Variants in GFAP observed in about 807,000 individuals in gnomAD.
GFAP encodes intermediate filament protein.
GFAP carries 38 observed loss-of-function variants against 49.3 expected under a neutral mutation model. The observed-to-expected ratio is 0.77, with a 90% CI of 0.60 to 1.01. The LOEUF is 1.01. GFAP is among the 50% of genes least tolerant of loss of function. The pLI is 0.00. For synonymous variants in GFAP, 222 were observed against 236.4 expected, an observed-to-expected ratio of 0.94 and a Z score of 0.56; for missense variants, 463 against 579.1, an observed-to-expected ratio of 0.80 and a Z score of 2.06.
chr17:44,911,898 T>C, intron 4 of GFAP, 101 bp from the exon 5 acceptor site: 5 of 1,394,874 alleles, frequency 3.6e-6, no homozygotes, highest in Admixed American at 1.8e-5. Context: ...CCCCAGGACG[T>C]TGGCCCTGGC....
intron 7 of GFAP, chr17:44,910,396 A>G: frequency 6.2e-7 from 1 of 1,604,292 alleles, no homozygotes; most frequent in South Asian, 1.1e-5. Flanking sequence ...GGAGGGGAAG[A>G]GGGACCAGGG....
At position 44,904,925 on chromosome 17, in the gene GFAP, C is replaced by G; in HGVS notation, c.*2422G>C. On this transcript the variant is annotated 3_prime_UTR_variant, in exon 9 of 9. Transcript: ENST00000588735. ...GGGTGTGACATCTCATGGGCACTAC[C>G]CAGCCTCGTTCTCAGATCCTGAGAC... The G allele has an allele frequency of 6.4e-7, 1 of 1,550,624 alleles. No homozygotes were observed. Among genetic ancestry groups the G allele is most frequent in the East Asian group, 2.4e-5 (1 of 40,924 alleles).
chr17:44,907,902 G>A (rs141985878), intron 8 of GFAP, 162 bp downstream of exon 8: 23 of 748,392 alleles, frequency 3.1e-5, no homozygotes, highest in Admixed American at 1.3e-4. Flanking sequence ...CTGAGGAAAC[G>A]GAATTACATT....
In GFAP at chr17:44,915,458, G is replaced by A; in HGVS notation, c.29C>T (p.Ala10Val). The change falls in exon 1 of 9, where the codon GCT (alanine) becomes GTT (valine). Residue 10 changes from alanine to valine, a missense_variant. By Grantham distance (64) the Ala-to-Val change is moderately conservative. Transcript: ENST00000588735. This position sits in a 1 kb window ranked among gnomAD's most constrained non-coding sequence, Gnocchi z 4.1. MERRRITSA[A>V]RRSYVSSGEM... ...CCCTGAGGAGACGTAGGAGCGGCGA[G>A]CAGCGGAGGTGATGCGTCTCCTCTC... 1.9e-6 allele frequency: 3 copies of A among 1,600,692 alleles called. No individual in the cohort carries two copies. The highest frequency in any genetic ancestry group is 8.5e-7 in the Non-Finnish European group (1 of 1,174,340).
rs533012935 is a variant in GFAP at position 44,903,955 on chromosome 17, C to T, written c.*3392G>A. Reference sequence around the variant, plus strand: ...CTTTCCTGATGTTTGAAAATGCAGCCTACCTGGCCGACATGAGCTTTGAGC... The same window carrying T: ...CTTTCCTGATGTTTGAAAATGCAGCTTACCTGGCCGACATGAGCTTTGAGC... On this transcript the variant is annotated 3_prime_UTR_variant, in exon 9 of 9. Transcript: ENST00000588735. 11 of 1,550,606 alleles carry T rather than the reference C, an allele frequency of 7.1e-6. No individual in the cohort carries two copies. The East Asian group carries it at 2.2e-4, about 31-fold the overall frequency.
chr17:44,904,255 C>T lies in GFAP; in HGVS notation c.*3092G>A, dbSNP rs1002967954. On this transcript the variant is annotated 3_prime_UTR_variant, in exon 9 of 9. Transcript: ENST00000588735. ...ACGCCTACGATGTGGACATCCAGAA[C>T]AGTGAGGGAATGGTGGCCACTTTCC... 22 of 1,550,404 alleles carry T rather than the reference C, an allele frequency of 1.4e-5. No individual in the cohort carries two copies. In the African/African-American group the frequency reaches 3.0e-4, roughly 21 times the overall value.
chr17:44,914,110 C>T, intron 1 of GFAP, 22 bp from the exon 2 acceptor site: 1 of 1,540,504 alleles, frequency 6.5e-7, no homozygotes, highest in Non-Finnish European at 8.8e-7. Flanking sequence ...GGACACATTC[C>T]TGGGTCCAGG....
At chr17:44,909,849 C>T (rs961975769) in intron 7 of GFAP, 8 of 1,251,306 alleles carry the variant, frequency 6.4e-6, no homozygotes, top group Non-Finnish European at 8.1e-6. Context: ...CTCCCAGTGA[C>T]AGGAAGAGGT....
chr17:44,904,394 C>A lies in GFAP; in HGVS notation c.*2953G>T. On this transcript the variant is annotated 3_prime_UTR_variant, in exon 9 of 9. Coordinates refer to ENST00000588735, the MANE Select transcript of GFAP (RefSeq NM_002055.5). ...CTGCGGAGTGCGTGGGGAGCAGTGG[C>A]GCATCGGCCTCTGCTACCTGCAGAG... The A allele has an allele frequency of 6.5e-7, 1 of 1,542,106 alleles. No individual in the cohort carries two copies. Among genetic ancestry groups the A allele is most frequent in the Non-Finnish European group, 8.8e-7 (1 of 1,140,790 alleles).
At chr17:44,911,536 C>A in intron 5 of GFAP, 80 bp from the exon 6 acceptor site, 16 of 1,550,124 alleles carry the variant, frequency 1.0e-5, no homozygotes, top group East Asian at 2.3e-5. Flanking sequence ...CGGCCCCAGG[C>A]CCCGCCTCTA....
chr17:44,907,319 G>T lies in GFAP; in HGVS notation c.*28C>A, dbSNP rs11558961. On this transcript the variant is annotated 3_prime_UTR_variant, in exon 9 of 9. Transcript: ENST00000588735. The stretch of plus-strand genomic sequence containing the variant: ...TTCTGCTCGGGCCCCTCATGAGACG[G>T]GGCAGAGGCCACCAGGTGGGTCCTG... 3.7e-6 allele frequency: 6 copies of T among 1,609,774 alleles called. No homozygotes were observed. Among genetic ancestry groups the T allele is most frequent in the East Asian group, 2.2e-5 (1 of 44,838 alleles).
intron 1 of GFAP, chr17:44,914,510 G>A (rs530728552): frequency 8.0e-5 from 18 of 225,490 alleles, no homozygotes; most frequent in South Asian, 4.7e-4. Flanking sequence ...TATGACCACC[G>A]CTTCACAGCT....
At chr17:44,909,957 T>C (rs2051719393) in intron 7 of GFAP, 7 of 1,452,130 alleles carry the variant, frequency 4.8e-6, no homozygotes, top group Non-Finnish European at 6.3e-6. Context: ...GCCAGTTTAA[T>C]GTACAGTTAC....
chr17:44,911,166 G>A, intron 6 of GFAP, 70 bp downstream of exon 6: 1 of 1,391,956 alleles, frequency 7.2e-7, no homozygotes, highest in Non-Finnish European at 1.0e-6. Context: ...CTCAGTCCCT[G>A]AAGGGAGCAA....
chr17:44,911,160 G>C (rs1356358169), intron 6 of GFAP, 76 bp downstream of exon 6: 4 of 1,319,112 alleles, frequency 3.0e-6, no homozygotes, highest in Non-Finnish European at 4.4e-6. Context: ...AAAAGACTCA[G>C]TCCCTGAAGG....
intron 7 of GFAP, 157 bp from the exon 8 acceptor site, chr17:44,908,306 G>A: frequency 2.1e-6 from 1 of 477,150 alleles, no homozygotes; most frequent in Non-Finnish European, 3.8e-6. Flanking sequence ...ACGGGCTGGA[G>A]AGCCCCCAAA....
rs1213417943 is a variant in GFAP, at chr17:44,907,395, G to A, written c.1258-7C>T. On this transcript the variant is annotated splice_region_variant and splice_polypyrimidine_tract_variant and intron_variant, in intron 8 of 8. Coordinates refer to ENST00000588735, the MANE Select transcript of GFAP (RefSeq NM_002055.5). ...GCTTGGACTCCTTAATGACCTGCAG[G>A]GGACAGGGAACGTGCACAGTGCAAC... 7 of 1,609,410 alleles carry A rather than the reference G, an allele frequency of 4.3e-6. No homozygotes were observed. Among genetic ancestry groups the A allele is most frequent in the Non-Finnish European group, 6.0e-6 (7 of 1,175,692 alleles).
intron 3 of GFAP, 21 bp from the exon 4 acceptor site, chr17:44,913,451 G>C: frequency 6.2e-7 from 1 of 1,605,338 alleles, no homozygotes; most frequent in South Asian, 1.1e-5. Flanking sequence ...TGAGAGAAGC[G>C]GTACCAGGGC....
intron 5 of GFAP, 82 bp from the exon 6 acceptor site, chr17:44,911,538 C>T (rs2051767046): frequency 6.5e-7 from 1 of 1,550,032 alleles, no homozygotes; most frequent in Non-Finnish European, 8.7e-7. Context: ...GCCCCAGGCC[C>T]CGCCTCTAGC....
Sources: allele counts gnomAD v4.1 joint callset, GRCh38; gene constraint gnomAD v4.1.1; non-coding constraint Gnocchi (gnomAD v3.1); transcripts MANE v1.5; gene names NCBI Gene and HGNC (gene_info 2026-07-23, HGNC 2026-07-21).